Variants in SAMD4A observed in about 807,000 individuals in gnomAD.
SAMD4A encodes the protein sterile alpha motif domain containing 4A.
A neutral mutation model predicts 81.3 loss-of-function variants in SAMD4A; 33 were observed. That is an observed-to-expected ratio of 0.41 (90% CI 0.31 to 0.54). The LOEUF is 0.54. SAMD4A is among the 20% of genes least tolerant of loss of function. The pLI is 0.37. For missense variants in SAMD4A, 854 were observed against 951.1 expected (o/e 0.90, Z 1.34); for synonymous variants, 389 against 382.1 (o/e 1.02, Z -0.21).
intron 2 of SAMD4A, among the ~76,000 whole-genome samples, chr14:54,582,228 A>T (rs2033488551): frequency 6.6e-6 from 1 of 151,788 alleles, no homozygotes. Context: ...AATAATTTGG[A>T]CAAGAATTGC....
intron 2 of SAMD4A, among the ~76,000 whole-genome samples, chr14:54,686,868 T>C (rs2036284962): frequency 6.6e-6 from 1 of 152,236 alleles, no homozygotes; most frequent in African/African-American, 2.4e-5. Context: ...AGTTGAAATG[T>C]ACTTATGTCA....
intron 6 of SAMD4A, among the ~76,000 whole-genome samples, chr14:54,755,618 C>A (rs1000926393): frequency 1.3e-5 from 2 of 152,082 alleles, no homozygotes; most frequent in African/African-American, 4.8e-5. Flanking sequence ...CTGAAATTGG[C>A]CCTCAGCAGG....
rs1204974506 is a variant in SAMD4A, at chr14:54,760,367, C to T, written c.1383C>T (p.Ala461=). ...KDGAAATGAT[A]TPSAGASGGL... ...GGGCCGCAGCCACTGGCGCCACGGC[C>T]ACCCCCTCGGCCGGGGCCAGCGGGG... The change falls in exon 7 of 13, where the codon GCC becomes GCT. Residue 461 remains alanine, a synonymous_variant. Transcript: ENST00000554335. The T allele has an allele frequency of 6.4e-7, 1 of 1,568,130 alleles. No homozygotes were observed. The highest frequency in any genetic ancestry group is 8.6e-7 in the Non-Finnish European group (1 of 1,164,706).
chr14:54,717,884 G>GTT (rs59380334), intron 3 of SAMD4A, among the ~76,000 whole-genome samples: 12,717 of 131,120 alleles, frequency 0.097, 768 homozygotes, highest in Non-Finnish European at 0.14. Flanking sequence ...TTGCTTGAAG[G>GTT]TTTTTTTTTT....
intron 2 of SAMD4A, among the ~76,000 whole-genome samples, chr14:54,685,281 C>A (rs34403787): frequency 7.4e-6 from 1 of 134,418 alleles, no homozygotes; most frequent in East Asian, 2.2e-4. Context: ...CCTGCCCCCC[C>A]CCCCAGCTCC....
intron 2 of SAMD4A, among the ~76,000 whole-genome samples, chr14:54,661,830 AATTGT>A (rs2035648931): frequency 6.6e-6 from 1 of 152,214 alleles, no homozygotes; most frequent in African/African-American, 2.4e-5. Flanking sequence ...TTACATTAAC[AATTGT>A]TTACCAGGTG....
chr14:54,624,026 A>G (rs2034685703), intron 2 of SAMD4A, among the ~76,000 whole-genome samples: 1 of 151,450 alleles, frequency 6.6e-6, no homozygotes, highest in Non-Finnish European at 1.5e-5. Flanking sequence ...CTCAGGCTGG[A>G]GTGCGGTGGC....
chr14:54,776,015 TAA>T (rs10539223), intron 10 of SAMD4A, among the ~76,000 whole-genome samples: 5,274 of 89,678 alleles, frequency 0.059, 155 homozygotes, highest in Admixed American at 0.1. Context: ...GTAAGAATCT[TAA>T]AAAAAAAAAA....
At position 54,760,406 on chromosome 14, in the gene SAMD4A, C is replaced by G. The variant is rs1712944336; in HGVS notation, c.1422C>G (p.His474Gln). The change falls in exon 7 of 13, where the codon CAC becomes CAG. Residue 474 changes from histidine to glutamine, a missense_variant. This residue lies in a region of SAMD4A where 428 missense variants were observed against 471.2 expected (regional missense o/e 0.91). Transcript: ENST00000554335. Reference sequence around the variant, plus strand: ...GGGCCAGCGGGGGGCTCCAGCCGCACCAGCTGAGCAGCTGCGATGGGGAGC... The same window carrying G: ...GGGCCAGCGGGGGGCTCCAGCCGCAGCAGCTGAGCAGCTGCGATGGGGAGC... ...SAGASGGLQP[H>Q]QLSSCDGELA... is the part of the protein sequence containing the mutation. 3 of 1,476,352 alleles carry G rather than the reference C, an allele frequency of 2.0e-6. No homozygotes were observed. The highest frequency in any genetic ancestry group is 2.9e-5 in the African/African-American group (2 of 68,330). The allele number at this position is 1,476,352 out of a possible 1,614,324, so 91.5% of individuals were successfully genotyped here.
At chr14:54,782,660 C>T (rs1198752451) in intron 11 of SAMD4A, among the ~76,000 whole-genome samples, 1 of 152,248 alleles carries the variant, frequency 6.6e-6, no homozygotes, top group African/African-American at 2.4e-5. Flanking sequence ...AGAACACAGT[C>T]AGCTCTCTGG....
intron 2 of SAMD4A, among the ~76,000 whole-genome samples, chr14:54,601,781 A>G (rs2034058825): frequency 6.6e-6 from 1 of 152,226 alleles, no homozygotes; most frequent in Non-Finnish European, 1.5e-5. Context: ...TGTTTTAGGC[A>G]GAAACCAAGG....
chr14:54,777,218 C>T (rs1377606558), intron 11 of SAMD4A, among the ~76,000 whole-genome samples: 1 of 151,836 alleles, frequency 6.6e-6, no homozygotes, highest in Non-Finnish European at 1.5e-5. Flanking sequence ...CCCCCACTGC[C>T]CCAAGGCAGG....
chr14:54,753,559 C>A (rs984465321), intron 6 of SAMD4A, among the ~76,000 whole-genome samples: 1 of 152,168 alleles, frequency 6.6e-6, no homozygotes, highest in Admixed American at 6.5e-5. Flanking sequence ...AAAATGGAGT[C>A]TCTTATGTCT....
At position 54,674,715 on chromosome 14, in the gene SAMD4A, C is replaced by T. The variant is rs573203178; in HGVS notation, c.197-27347C>T. Among the ~76,000 whole-genome samples the T allele has an allele frequency of 2.6e-5, 4 of 152,194 alleles. No individual in the cohort carries two copies. The South Asian group carries it at 8.3e-4, about 32-fold the overall frequency. ...GTAGATCCCTTAGCATTACCTATGC[C>T]CTAAATGATACTCAAATAAGTGGGC... is the stretch of plus-strand genomic sequence containing the variant. On this transcript the variant is annotated intron_variant, in intron 2 of 12. Coordinates refer to ENST00000554335, the MANE Select transcript of SAMD4A (RefSeq NM_015589.6).
chr14:54,647,717 T>G (rs1263113963), intron 2 of SAMD4A, among the ~76,000 whole-genome samples: 20 of 152,096 alleles, frequency 1.3e-4, no homozygotes, highest in Admixed American at 1.3e-3. Context: ...GGAGGAATAT[T>G]TTAGGACCTC....
intron 9 of SAMD4A, among the ~76,000 whole-genome samples, 177 bp downstream of exon 9, chr14:54,770,399 T>A (rs1369066432): frequency 6.6e-6 from 1 of 152,068 alleles, no homozygotes; most frequent in Non-Finnish European, 1.5e-5. Flanking sequence ...GCTGTGAGAG[T>A]GAGCATTCCC....
At chr14:54,687,704 A>G (rs1357023176) in intron 2 of SAMD4A, among the ~76,000 whole-genome samples, 1 of 152,208 alleles carries the variant, frequency 6.6e-6, no homozygotes, top group Non-Finnish European at 1.5e-5. Flanking sequence ...GCATTACTGC[A>G]TGATTTGGGG....
chr14:54,775,039 T>G lies in SAMD4A; in HGVS notation c.1821T>G (p.Pro607=), dbSNP rs747942407. ...ACCAGATCCCCTCTCGGAACGTCCC[T>G]TCCGCCCGCCTGGGCCTCTTGGGCA... ...RQYQIPSRNV[P]SARLGLLGTS... is the part of the protein sequence containing the mutation. The change falls in exon 10 of 13, where the codon CCT becomes CCG. Residue 607 remains proline (P), a synonymous_variant. Transcript: ENST00000554335. 2.5e-6 allele frequency: 4 copies of G among 1,614,192 alleles called. No individual in the cohort carries two copies. In the South Asian group the frequency reaches 4.4e-5, roughly 18 times the overall value.
chr14:54,774,146 G>T (rs1352613199), intron 9 of SAMD4A, among the ~76,000 whole-genome samples: 5 of 152,262 alleles, frequency 3.3e-5, no homozygotes, highest in African/African-American at 1.2e-4. Context: ...CAAGGCGGCA[G>T]GCAGAGTGCT....
Sources: allele counts gnomAD v4.1 joint callset (sites outside exome capture counted in the v4.1 genomes callset), GRCh38; gene constraint gnomAD v4.1.1; regional missense constraint gnomAD v4.1.1; transcripts MANE v1.5; gene names NCBI Gene and HGNC (gene_info 2026-07-23, HGNC 2026-07-21).